CHD6: variants seen among roughly 807,000 people sequenced by gnomAD.
CHD6 encodes ATP-dependent chromatin remodeler CHD6.
In CHD6, 50 loss-of-function variants were observed where a neutral mutation model predicts 276.9. The ratio of observed to expected loss-of-function variants is 0.18; its 90% CI spans 0.14 to 0.23. The LOEUF is 0.23. CHD6 is among the 10% of genes least tolerant of loss of function. The pLI is 1.00. For missense variants in CHD6, 2,564 were observed against 3,365.8 expected, an observed-to-expected ratio of 0.76 and a Z score of 5.89; for synonymous variants, 1,173 against 1,229.3, an observed-to-expected ratio of 0.95 and a Z score of 0.96.
At position 41,569,873 on chromosome 20, in the gene CHD6, A is replaced by G. The variant is rs143378772; in HGVS notation, c.-23-18513T>C. The stretch of plus-strand genomic sequence containing the variant: ...ATTACTATGCCATTTTAAATAAGGA[A>G]CTGGAGCAACCTCAAATTTTGGCAT... On this transcript the variant is annotated intron_variant, in intron 1 of 36. Transcript: ENST00000373233. 5.6e-3 allele frequency among the ~76,000 whole-genome samples: 850 copies of G among 152,316 alleles called. 8 individuals carry two copies. The highest frequency in any genetic ancestry group is 0.024 in the Middle Eastern group (7 of 294).
chr20:41,483,410 A>G lies in CHD6; in HGVS notation c.2367T>C (p.Asp789=), dbSNP rs766170702. ...IQAAGKLVLI[D]KLLPKLIAGG... ...CTGCAATCAGCTTAGGGAGTAGTTT[A>G]TCAATCAACACAAGCTTTCCTGCTG... The change falls in exon 16 of 37, where the codon GAT becomes GAC. Residue 789 remains aspartate (D), a synonymous_variant. Transcript: ENST00000373233. 1.2e-6 allele frequency: 2 copies of G among 1,613,726 alleles called. No homozygotes were observed. The highest frequency in any genetic ancestry group is 2.7e-5 in the African/African-American group (2 of 74,908).
At chr20:41,423,113 A>C (rs555166911) in intron 30 of CHD6, among the ~76,000 whole-genome samples, 2 of 152,370 alleles carry the variant, frequency 1.3e-5, no homozygotes, top group South Asian at 4.1e-4. Context: ...ATGTGAGGAA[A>C]TACTTAAAGT....
intron 36 of CHD6, 54 bp downstream of exon 36, chr20:41,412,090 G>T (rs201751957): frequency 6.4e-5 from 102 of 1,603,978 alleles, no homozygotes; most frequent in Non-Finnish European, 8.1e-5. Flanking sequence ...TGTAAGGCAC[G>T]GCTCAACCAG....
intron 16 of CHD6, among the ~76,000 whole-genome samples, chr20:41,474,681 A>G (rs1379276375): frequency 2.0e-5 from 3 of 152,184 alleles, no homozygotes; most frequent in Admixed American, 6.5e-5. Flanking sequence ...CAGGAAGAAA[A>G]TAAGGATAGA....
rs1417038481 is a variant in CHD6, at chr20:41,415,634, C to G, written c.6491G>C (p.Ser2164Thr). ...AALAAQIHKE[S>T]FLAPVFTKDE... ...CTTTGTGAATACTGGAGCTAAGAAG[C>G]TCTCCTGTGAACACACAAACAGCAA... Residue 2164 changes from serine (S) to threonine (T), a missense_variant, in exon 34 of 37, where the codon AGC becomes ACC. Transcript: ENST00000373233. 4.4e-6 allele frequency: 7 copies of G among 1,584,766 alleles called. No homozygotes were observed. The highest frequency in any genetic ancestry group is 5.1e-6 in the Non-Finnish European group (6 of 1,168,254).
intron 3 of CHD6, among the ~76,000 whole-genome samples, chr20:41,518,299 C>T (rs1419646424): frequency 6.6e-6 from 1 of 152,178 alleles, no homozygotes; most frequent in African/African-American, 2.4e-5. Flanking sequence ...TGTGCGTGCG[C>T]GCGTGCCCAC....
At chr20:41,585,070 T>G (rs1030995649) in intron 1 of CHD6, among the ~76,000 whole-genome samples, 4 of 152,126 alleles carry the variant, frequency 2.6e-5, no homozygotes, top group Non-Finnish European at 4.4e-5. Flanking sequence ...TTACCAGTAT[T>G]AGGACTCAAA....
intron 1 of CHD6, among the ~76,000 whole-genome samples, chr20:41,571,286 T>A (rs6072427): frequency 0.38 from 58,135 of 151,876 alleles, 13,850 homozygotes; most frequent in African/African-American, 0.66. Flanking sequence ...CTGCTTAAAG[T>A]CTTGGTAAGA....
chr20:41,477,509 A>G (rs1172694114), intron 16 of CHD6, among the ~76,000 whole-genome samples: 1 of 152,148 alleles, frequency 6.6e-6, no homozygotes, highest in African/African-American at 2.4e-5. Context: ...AGGGCTAAAG[A>G]CTTAAATGAA....
intron 5 of CHD6, among the ~76,000 whole-genome samples, chr20:41,503,158 T>C (rs957510208): frequency 2.6e-5 from 4 of 152,236 alleles, no homozygotes; most frequent in African/African-American, 9.6e-5. Context: ...GTTGATGCTA[T>C]TATAAATGGG....
chr20:41,431,802 T>A, intron 27 of CHD6, among the ~76,000 whole-genome samples: 1 of 144,336 alleles, frequency 6.9e-6, no homozygotes, highest in African/African-American at 2.7e-5. Flanking sequence ...GCTTCATATA[T>A]CCTAGATTTG....
intron 1 of CHD6, among the ~76,000 whole-genome samples, chr20:41,612,910 A>G (rs1395538860): frequency 3.3e-5 from 5 of 152,202 alleles, no homozygotes; most frequent in Non-Finnish European, 5.9e-5. Flanking sequence ...GTCTGGCCCA[A>G]CAAAAAAAAT....
chr20:41,600,814 C>T (rs1274482987), intron 1 of CHD6, among the ~76,000 whole-genome samples: 1 of 152,214 alleles, frequency 6.6e-6, no homozygotes, highest in Admixed American at 6.5e-5. Context: ...CTCACACAAA[C>T]AAGAAACTTG....
chr20:41,473,522 G>A lies in CHD6; in HGVS notation c.2469-5C>T, dbSNP rs753272155. 9 of 1,613,038 alleles carry A rather than the reference G, an allele frequency of 5.6e-6. No individual in the cohort carries two copies. Among genetic ancestry groups the A allele is most frequent in the Non-Finnish European group, 6.8e-6 (8 of 1,179,178 alleles). On this transcript the variant is annotated splice_polypyrimidine_tract_variant and splice_region_variant and intron_variant, in intron 16 of 36. Coordinates refer to ENST00000373233, the MANE Select transcript of CHD6 (RefSeq NM_032221.5). This position sits in a 1 kb window ranked among gnomAD's most constrained non-coding sequence, Gnocchi z 4.1. ...TCAATTCGCTCATAGGTGTATCTGA[G>A]GGGACCCAAATGAACGAAAGCCCAG...
At chr20:41,555,053 G>A (rs1433067977) in intron 1 of CHD6, among the ~76,000 whole-genome samples, 5 of 143,644 alleles carry the variant, frequency 3.5e-5, no homozygotes, top group East Asian at 4.3e-4. Context: ...CTGGCCGGGT[G>A]GGGGGCTGAT....
rs1242925270 is a variant in CHD6, at chr20:41,421,011, T to C, written c.5624A>G (p.Glu1875Gly). 1.9e-6 allele frequency: 3 copies of C among 1,613,432 alleles called. No individual in the cohort carries two copies. The South Asian group carries it at 3.3e-5, about 18-fold the overall frequency. Residue 1875 changes from glutamate to glycine, a missense_variant, in exon 31 of 37, where the codon GAG becomes GGG. Physicochemically the swap from Glu to Gly is moderately conservative, Grantham distance 98. Around this residue, in one of 7 missense-constraint regions of CHD6, gnomAD observed 1,024 missense variants for 1,047.9 expected, o/e 0.98. Transcript: ENST00000373233. ...GCCTACTGCCATGGCTAAGTTTTCC[T>C]CCTCGTTTTCCTCCTCTTCTTCCTC... is the stretch of plus-strand genomic sequence containing the variant. ...DEEEEEEENE[E>G]ENLAMAVGMG...
chr20:41,606,208 T>C (rs1390477193), intron 1 of CHD6, among the ~76,000 whole-genome samples: 1 of 151,790 alleles, frequency 6.6e-6, no homozygotes, highest in Admixed American at 6.6e-5. Flanking sequence ...AAACCCCGTC[T>C]CTACTAAAAA....
At position 41,449,133 on chromosome 20, in the gene CHD6, T is replaced by C. The variant is rs186548653; in HGVS notation, c.3684-1162A>G. 2.8e-3 allele frequency among the ~76,000 whole-genome samples: 419 copies of C among 152,258 alleles called. 2 individuals are homozygous for C. Among genetic ancestry groups the C allele is most frequent in the Middle Eastern group, 0.024 (7 of 294 alleles). The stretch of plus-strand genomic sequence containing the variant: ...GGCCAGGCTGGTCTTGAACTCCTGA[T>C]CTCAGGTGATTCACCCGCCCCGGCC... On this transcript the variant is annotated intron_variant, in intron 23 of 36. Transcript: ENST00000373233.
intron 1 of CHD6, among the ~76,000 whole-genome samples, chr20:41,581,897 G>A (rs1409362434): frequency 1.3e-5 from 2 of 152,176 alleles, no homozygotes; most frequent in African/African-American, 4.8e-5. Context: ...TGTCAAGGTA[G>A]GGACACAAAA....
Sources: allele counts gnomAD v4.1 joint callset (sites outside exome capture counted in the v4.1 genomes callset), GRCh38; gene constraint gnomAD v4.1.1; regional missense constraint gnomAD v4.1.1; non-coding constraint Gnocchi (gnomAD v3.1); transcripts MANE v1.5; gene names NCBI Gene and HGNC (gene_info 2026-07-23, HGNC 2026-07-21).